Variants in NEBL observed in about 807,000 individuals in gnomAD.
NEBL encodes LIM and SH3 protein 2.
NEBL carries 122 observed loss-of-function variants against 140.2 expected under a neutral mutation model. The ratio of observed to expected loss-of-function variants is 0.87; its 90% CI spans 0.75 to 1.01. The LOEUF is 1.01. Ranked by LOEUF, NEBL falls within the 50% of genes least tolerant of loss-of-function variation. The pLI is 0.00. For synonymous variants in NEBL, 436 were observed against 398.9 expected (o/e 1.09, Z -1.11); for missense variants, 1,365 against 1,231.3 (o/e 1.11, Z -1.62).
At chr10:20,819,213 C>T in intron 20 of NEBL, 2 of 918,238 alleles carry the variant, frequency 2.2e-6, no homozygotes, top group East Asian at 3.1e-5. Context: ...CCTCTCCCTC[C>T]TCCCATCCTC....
chr10:20,948,978 C>T (rs569580667), intron 4 of NEBL, among the ~76,000 whole-genome samples: 3 of 152,282 alleles, frequency 2.0e-5, no homozygotes, highest in East Asian at 1.9e-4. Flanking sequence ...TCTACACATA[C>T]GTGGCAAACA....
intron 3 of NEBL, among the ~76,000 whole-genome samples, chr10:20,997,104 T>C (rs1837696772): frequency 6.6e-6 from 1 of 152,232 alleles, no homozygotes; most frequent in African/African-American, 2.4e-5. Flanking sequence ...GTTTTTACTT[T>C]ACTATCACTG....
intron 1 of NEBL, among the ~76,000 whole-genome samples, chr10:21,265,212 C>T (rs571677492): frequency 5.9e-5 from 9 of 152,130 alleles, no homozygotes; most frequent in East Asian, 5.8e-4. Flanking sequence ...TGTGAGCCAC[C>T]GCACCTCTTT....
chr10:20,973,294 T>C (rs552130548), intron 3 of NEBL, among the ~76,000 whole-genome samples: 1 of 151,578 alleles, frequency 6.6e-6, no homozygotes, highest in Admixed American at 6.6e-5. Context: ...TCACCCAGGA[T>C]GGAGTGCAGT....
intron 2 of NEBL, among the ~76,000 whole-genome samples, chr10:21,024,516 A>C (rs1048116814): frequency 2.0e-5 from 3 of 152,102 alleles, no homozygotes; most frequent in African/African-American, 4.8e-5. Context: ...TTCCAAAAAA[A>C]AAAAAAGAAG....
intron 3 of NEBL, among the ~76,000 whole-genome samples, chr10:20,979,135 G>A (rs1252987638): frequency 6.6e-6 from 1 of 152,112 alleles, no homozygotes; most frequent in Non-Finnish European, 1.5e-5. Flanking sequence ...AATACACGTA[G>A]GACTGGGCAC....
intron 2 of NEBL, among the ~76,000 whole-genome samples, chr10:20,894,808 G>T (rs1303970565): frequency 6.7e-6 from 1 of 150,328 alleles, no homozygotes; most frequent in African/African-American, 2.4e-5. Flanking sequence ...AGGCGCCTGT[G>T]GTCCCGGCTA....
intron 13 of NEBL, among the ~76,000 whole-genome samples, chr10:20,839,524 T>A (rs900793947): frequency 1.3e-5 from 2 of 152,158 alleles, no homozygotes; most frequent in African/African-American, 4.8e-5. Flanking sequence ...TTGATTTCCA[T>A]CACCTCCCTA....
intron 2 of NEBL, among the ~76,000 whole-genome samples, chr10:21,060,308 A>G (rs1274836832): frequency 6.6e-6 from 1 of 152,172 alleles, no homozygotes; most frequent in Non-Finnish European, 1.5e-5. Flanking sequence ...AGGCAGTATC[A>G]ACATTCAAAA....
At chr10:21,264,819 T>C (rs914936663) in intron 1 of NEBL, among the ~76,000 whole-genome samples, 2 of 149,426 alleles carry the variant, frequency 1.3e-5, no homozygotes, top group African/African-American at 4.9e-5. Flanking sequence ...ACCAAGGTGC[T>C]AGCAGATTCA....
At chr10:21,220,893 T>C (rs1403053999) in intron 3 of NEBL, among the ~76,000 whole-genome samples, 1 of 152,240 alleles carries the variant, frequency 6.6e-6, no homozygotes, top group African/African-American at 2.4e-5. Context: ...TGGCGGCTCA[T>C]GCCAGTAATC....
intron 3 of NEBL, among the ~76,000 whole-genome samples, chr10:21,243,052 C>T (rs975865098): frequency 3.9e-5 from 6 of 152,100 alleles, no homozygotes; most frequent in African/African-American, 7.2e-5. Context: ...CAGCCATGCC[C>T]ACCTGAAGGA....
intron 2 of NEBL, among the ~76,000 whole-genome samples, chr10:21,129,563 A>G (rs1395854178): frequency 6.6e-6 from 1 of 152,122 alleles, no homozygotes; most frequent in Non-Finnish European, 1.5e-5. Context: ...GCTTTTGTAT[A>G]AGTGAAATGG....
intron 2 of NEBL, among the ~76,000 whole-genome samples, chr10:21,028,254 A>AAAAGAAGAAGAAGAAGAAGAAG (rs1554819372): frequency 1.4e-5 from 1 of 70,332 alleles, no homozygotes; most frequent in Non-Finnish European, 2.7e-5. Context: ...AAAAAAAAAA[A>AAAAGAAGAAGAAGAAGAAGAAG]AAGAAGAAGA....
At chr10:20,896,271 T>A (rs1807729896) in intron 2 of NEBL, among the ~76,000 whole-genome samples, 1 of 151,988 alleles carries the variant, frequency 6.6e-6, no homozygotes, top group African/African-American at 2.4e-5. Context: ...TTGTACTTCT[T>A]GAATTCTAGC....
intron 2 of NEBL, among the ~76,000 whole-genome samples, chr10:20,893,342 A>G (rs1008703454): frequency 6.6e-6 from 1 of 152,230 alleles, no homozygotes; most frequent in African/African-American, 2.4e-5. Flanking sequence ...TATGACAGAG[A>G]GAATATCTGT....
intron 2 of NEBL, among the ~76,000 whole-genome samples, chr10:21,080,377 A>G (rs944796909): frequency 6.6e-6 from 1 of 152,220 alleles, no homozygotes; most frequent in East Asian, 1.9e-4. Context: ...GTAAATATTC[A>G]TACTTTGAGG....
chr10:21,068,753 A>G (rs764982463), intron 2 of NEBL, among the ~76,000 whole-genome samples: 2 of 152,242 alleles, frequency 1.3e-5, no homozygotes, highest in African/African-American at 4.8e-5. Flanking sequence ...GGAAATAGGG[A>G]GAAGGAAAGC....
At chr10:21,054,747 A>C (rs1365588552) in intron 2 of NEBL, among the ~76,000 whole-genome samples, 3 of 152,172 alleles carry the variant, frequency 2.0e-5, no homozygotes, top group Non-Finnish European at 4.4e-5. Flanking sequence ...CATTCAAATA[A>C]ATTTTTATTT....
Sources: gnomAD v4.1 joint callset for allele counts (sites outside exome capture counted in the v4.1 genomes callset) on GRCh38, gnomAD v4.1.1 for gene constraint, MANE v1.5 for transcripts, NCBI Gene and HGNC (gene_info 2026-07-23, HGNC 2026-07-21) for gene names.